The following SHF variants were observed in gnomAD, a reference collection of about 807,000 sequenced individuals.
SHF encodes the protein Src homology 2 domain containing F, also known as SH2 domain-containing adapter protein F.
SHF carries 30 observed loss-of-function variants against 42.4 expected under a neutral mutation model. That is an observed-to-expected ratio of 0.71 (90% CI 0.53 to 0.96). The LOEUF (loss-of-function observed/expected upper bound fraction) is 0.96. SHF is among the 40% of genes least tolerant of loss of function. The pLI, the probability that SHF is intolerant of heterozygous loss-of-function variation, is 0.00. For synonymous variants in SHF, 264 were observed against 269.9 expected (o/e 0.98, Z 0.21); for missense variants, 598 against 634.0 (o/e 0.94, Z 0.61).
Position 45,171,870 on chromosome 15 carries a change from T to C in SHF, c.1280+13A>G, listed in dbSNP as rs777317062. The stretch of plus-strand genomic sequence containing the variant: ...TGCTTGCTGTCCCTGAAACCACAAC[T>C]GTCCCCACTCACTTGAGGGAGAGGG... On this transcript the variant is annotated intron_variant, in intron 6 of 6. Coordinates refer to ENST00000690270, the MANE Select transcript of SHF (RefSeq NM_001394037.1). The C allele has an allele frequency of 3.1e-6, 5 of 1,611,144 alleles. No homozygotes were observed. The highest frequency in any genetic ancestry group is 2.2e-5 in the East Asian group (1 of 44,822).
chr15:45,197,500 T>A (rs1898903212), intron 2 of SHF, among the ~76,000 whole-genome samples: 1 of 152,122 alleles, frequency 6.6e-6, no homozygotes, highest in African/African-American at 2.4e-5. Flanking sequence ...GCCTGCCAAG[T>A]CAAGTCCTTC....
upstream of SHF, among the ~76,000 whole-genome samples, chr15:45,192,358 A>AATTTT (rs1898731439): frequency 2.6e-5 from 2 of 75,578 alleles, no homozygotes; most frequent in African/African-American, 6.3e-5. Flanking sequence ...CTGATTCCAG[A>AATTTT]TTTTTTTTTT....
chr15:45,178,377 T>C (rs1897939568), intron 1 of SHF, 71 bp from the exon 2 acceptor site: 3 of 1,533,964 alleles, frequency 2.0e-6, no homozygotes, highest in Non-Finnish European at 2.6e-6. Context: ...CAAGGTACTC[T>C]GTCCATGGGA....
At chr15:45,197,120 C>T (rs1185305358) in intron 2 of SHF, among the ~76,000 whole-genome samples, 1 of 151,874 alleles carries the variant, frequency 6.6e-6, no homozygotes, top group Non-Finnish European at 1.5e-5. Flanking sequence ...GATGCAGCAG[C>T]TCTAACCTAT....
At chr15:45,174,952 G>A (rs1463211684) in intron 3 of SHF, among the ~76,000 whole-genome samples, 3 of 152,162 alleles carry the variant, frequency 2.0e-5, no homozygotes. Flanking sequence ...CCCCAAAAGA[G>A]AGAAGTAGTC....
At chr15:45,171,778 T>C in intron 6 of SHF, 105 bp downstream of exon 6, 1 of 1,268,778 alleles carries the variant, frequency 7.9e-7, no homozygotes, top group Non-Finnish European at 1.1e-6. Flanking sequence ...TGGGGATTGT[T>C]CATGGGGGAT....
Position 45,178,604 on chromosome 15 carries a change from G to A in SHF, c.499-298C>T, listed in dbSNP as rs575644933. 3.6e-3 allele frequency among the ~76,000 whole-genome samples: 521 copies of A among 145,682 alleles called. 1 individual carries two copies. Among genetic ancestry groups the A allele is most frequent in the African/African-American group, 0.013 (499 of 39,078 alleles). ...GGCTGGAGTGCAGTGGCGTGATCTC[G>A]GCTCACTGCAACTTCCATCTACCGG... On this transcript the variant is annotated intron_variant, in intron 1 of 6. Coordinates refer to ENST00000690270, the MANE Select transcript of SHF (RefSeq NM_001394037.1).
chr15:45,200,887 G>A (rs2141467451), exon 1 of SHF: 1 of 456,242 alleles, frequency 2.2e-6, no homozygotes, highest in East Asian at 6.9e-5. Context: ...CGTCCTCAGG[G>A]GCTTCACATC....
chr15:45,173,565 C>T lies in SHF; in HGVS notation c.988+11G>A. On this transcript the variant is annotated intron_variant, in intron 4 of 6. Transcript: ENST00000690270. Reference sequence around the variant, plus strand: ...ACATGTCACCCTGGCCAGAAGCCCCCCAGGACCCACCGCTGCTGTCCTCCA... The same window carrying T: ...ACATGTCACCCTGGCCAGAAGCCCCTCAGGACCCACCGCTGCTGTCCTCCA... 6.6e-7 allele frequency: 1 copy of T among 1,506,020 alleles called. No homozygotes were observed. Among genetic ancestry groups the T allele is most frequent in the Non-Finnish European group, 8.9e-7 (1 of 1,126,790 alleles). The allele number at this position is 1,506,020 out of a possible 1,614,324, so 93.3% of individuals were successfully genotyped here.
intron 1 of SHF, among the ~76,000 whole-genome samples, chr15:45,183,962 T>C (rs1266404388): frequency 6.6e-6 from 1 of 152,202 alleles, no homozygotes; most frequent in African/African-American, 2.4e-5. Context: ...CCTGGACTCC[T>C]ACCTTCTCCT....
intron 6 of SHF, 83 bp from the exon 7 acceptor site, chr15:45,168,216 T>C: frequency 7.4e-7 from 1 of 1,343,634 alleles, no homozygotes; most frequent in Non-Finnish European, 1.0e-6. Flanking sequence ...TCCCCAACCC[T>C]ACAGCAAATG....
intron 1 of SHF, chr15:45,200,508 C>T (rs1024836013): frequency 2.5e-5 from 9 of 354,516 alleles, no homozygotes; most frequent in East Asian, 1.5e-4. Flanking sequence ...CACAGGACCT[C>T]GGCTTGTCGC....
At chr15:45,168,236 C>T (rs1056719959) in intron 6 of SHF, 103 bp from the exon 7 acceptor site, 7 of 1,152,126 alleles carry the variant, frequency 6.1e-6, no homozygotes, top group African/African-American at 1.6e-5. Flanking sequence ...GTGGTGGTTC[C>T]GAAGCCAGCT....
chr15:45,192,150 A>G (rs937469383), upstream of SHF, among the ~76,000 whole-genome samples: 42 of 152,128 alleles, frequency 2.8e-4, no homozygotes, highest in African/African-American at 9.9e-4. Context: ...GATCATTATC[A>G]CATTTAGGAA....
intron 6 of SHF, among the ~76,000 whole-genome samples, chr15:45,169,344 C>T (rs925601829): frequency 2.0e-5 from 3 of 152,216 alleles, no homozygotes; most frequent in South Asian, 2.1e-4. Context: ...AACTCTATCC[C>T]TCTGCCTCCC....
upstream of SHF, among the ~76,000 whole-genome samples, chr15:45,192,752 T>A (rs1007297915): frequency 6.6e-6 from 1 of 152,234 alleles, no homozygotes. Flanking sequence ...AACAGTCCCC[T>A]ATTCTTTTGT....
chr15:45,168,460 C>G (rs1418435028), intron 6 of SHF, among the ~76,000 whole-genome samples: 1 of 152,218 alleles, frequency 6.6e-6, no homozygotes, highest in African/African-American at 2.4e-5. Context: ...TCCAGGCACC[C>G]CGGCCCTCCA....
chr15:45,175,826 T>C (rs201497660), intron 2 of SHF, among the ~76,000 whole-genome samples: 44,204 of 149,438 alleles, frequency 0.3, 6,793 homozygotes, highest in Middle Eastern at 0.36. Flanking sequence ...TTTCTTTTTT[T>C]TTTTTTTTTT....
chr15:45,198,590 G>C (rs533326321), intron 2 of SHF: 1 of 620,150 alleles, frequency 1.6e-6, no homozygotes. Flanking sequence ...CCCTTGCCGT[G>C]CCATTGTTCC....
Sources: allele counts gnomAD v4.1 joint callset (sites outside exome capture counted in the v4.1 genomes callset), GRCh38; gene constraint gnomAD v4.1.1; transcripts MANE v1.5; gene names NCBI Gene and HGNC (gene_info 2026-07-23, HGNC 2026-07-21).